Variants in EML4 observed in about 807,000 individuals in gnomAD.
EML4 encodes the protein echinoderm microtubule-associated protein-like 4.
In EML4, 72 loss-of-function variants were observed where a neutral mutation model predicts 129.0. That is an observed-to-expected ratio of 0.56 (90% CI 0.46 to 0.68). EML4 has a LOEUF of 0.68. EML4 is among the 30% of genes least tolerant of loss of function. EML4 has a pLI of 0.00. For missense variants in EML4, 1,363 were observed against 1,190.6 expected (o/e 1.14, Z -2.13); for synonymous variants, 532 against 405.0 (o/e 1.31, Z -3.77).
In EML4 at chr2:42,332,426, A is replaced by C; in HGVS notation, c.*2219A>C. 1 of 203,372 alleles carries C rather than the reference A, an allele frequency of 4.9e-6. No homozygotes were observed. The highest frequency in any genetic ancestry group is 7.5e-5 in the East Asian group (1 of 13,298). 12.6% of individuals were successfully genotyped at this position (203,372 alleles called of 1,614,324 possible). On this transcript the variant is annotated 3_prime_UTR_variant, in exon 23 of 23. Transcript: ENST00000318522. Reference sequence around the variant, plus strand: ...TAGATGTTTTTAGAAAAACTTGTGAATGAAAATGAATCCAAGTGTTTCATG... The same window carrying C: ...TAGATGTTTTTAGAAAAACTTGTGACTGAAAATGAATCCAAGTGTTTCATG...
At chr2:42,235,191 G>T (rs1279077280) in intron 1 of EML4, among the ~76,000 whole-genome samples, 1 of 151,996 alleles carries the variant, frequency 6.6e-6, no homozygotes, top group Non-Finnish European at 1.5e-5. Context: ...AGCTACCCGG[G>T]AGGCTAATGC....
intron 1 of EML4, among the ~76,000 whole-genome samples, chr2:42,199,641 A>G (rs187526220): frequency 6.6e-6 from 1 of 152,308 alleles, no homozygotes; most frequent in African/African-American, 2.4e-5. Context: ...GTTGGTTTCA[A>G]TTAGAGGCAA....
Position 42,330,350 on chromosome 2 carries a change from T to TTG in EML4, c.*144_*145insGT. The TTG allele has an allele frequency of 1.3e-6, 1 of 773,458 alleles. No homozygotes were observed. Among genetic ancestry groups the TTG allele is most frequent in the South Asian group, 1.5e-5 (1 of 68,086 alleles). The allele number at this position is 773,458 out of a possible 1,614,324, so 47.9% of individuals were successfully genotyped here. A position where few individuals can be genotyped will look rare whatever the true frequency, so the allele number is the denominator to read the frequency against. On this transcript the variant is annotated 3_prime_UTR_variant, in exon 23 of 23. Coordinates refer to ENST00000318522, the MANE Select transcript of EML4 (RefSeq NM_019063.5). ...TGATTTGTTTTCTTCAATAGTCTTA[T>TTG]TTTCAGTCTCTCAAATACAGCCAAC...
At chr2:42,327,319 T>G (rs992637328) in intron 21 of EML4, among the ~76,000 whole-genome samples, 5 of 152,186 alleles carry the variant, frequency 3.3e-5, no homozygotes, top group African/African-American at 1.2e-4. Flanking sequence ...CATGTGCAGG[T>G]TTTTGTGTAG....
intron 13 of EML4, among the ~76,000 whole-genome samples, chr2:42,300,667 TTG>T (rs1332089621): frequency 1.3e-5 from 2 of 152,220 alleles, no homozygotes; most frequent in East Asian, 3.8e-4. Flanking sequence ...GGAGTAATCC[TTG>T]GCACAGCAGA....
rs1040607660 is a variant in EML4 at position 42,295,521 on chromosome 2, A to G, written c.1489+5A>G. 6 of 1,608,250 alleles carry G rather than the reference A, an allele frequency of 3.7e-6. No homozygotes were observed. Among genetic ancestry groups the G allele is most frequent in the Non-Finnish European group, 5.1e-6 (6 of 1,178,372 alleles). ...CACCTGGGAAAGGACCTAAAGGTACAGTATTCTTATATTAAACTCATTTCT... is the reference window on the plus strand; with the variant it reads ...CACCTGGGAAAGGACCTAAAGGTACGGTATTCTTATATTAAACTCATTTCT... On this transcript the variant is annotated splice_donor_5th_base_variant and intron_variant, in intron 13 of 22. Transcript: ENST00000318522.
chr2:42,325,246 G>A (rs372358576), intron 19 of EML4: 5 of 599,402 alleles, frequency 8.3e-6, no homozygotes, highest in Non-Finnish European at 1.6e-5. Flanking sequence ...ACAGGTAGTA[G>A]GTGCTAGTTT....
intron 6 of EML4, among the ~76,000 whole-genome samples, chr2:42,277,049 G>A (rs1349537102): frequency 1.3e-5 from 2 of 152,000 alleles, no homozygotes; most frequent in South Asian, 2.1e-4. Flanking sequence ...AAAAAGGAGA[G>A]CATTTTTTTT....
At chr2:42,298,354 G>A (rs904677828) in intron 13 of EML4, among the ~76,000 whole-genome samples, 13 of 152,198 alleles carry the variant, frequency 8.5e-5, no homozygotes, top group African/African-American at 2.7e-4. Context: ...TTGTGATTAA[G>A]TTTGGATGGA....
intron 11 of EML4, chr2:42,289,969 C>T (rs1168625292): frequency 1.3e-5 from 2 of 151,364 alleles, no homozygotes; most frequent in African/African-American, 2.4e-5. Context: ...TGCTTGTAAC[C>T]CCAGCTACCC....
chr2:42,291,476 C>A (rs2109375), intron 11 of EML4, among the ~76,000 whole-genome samples: 43,879 of 149,456 alleles, frequency 0.29, 7,008 homozygotes, highest in African/African-American at 0.42. Flanking sequence ...TCTTGGCTCA[C>A]TGCTGCAGCC....
intron 6 of EML4, among the ~76,000 whole-genome samples, chr2:42,279,816 G>A (rs929350389): frequency 1.3e-5 from 2 of 151,248 alleles, no homozygotes; most frequent in East Asian, 3.9e-4. Flanking sequence ...ATAGCCATCC[G>A]ACAGGTATAA....
chr2:42,304,571 T>C lies in EML4; in HGVS notation c.1967+20T>C. The C allele has an allele frequency of 6.3e-7, 1 of 1,580,826 alleles. No homozygotes were observed. Among genetic ancestry groups the C allele is most frequent in the East Asian group, 2.2e-5 (1 of 44,686 alleles). ...AGGCAGGTAGGGTCTTTAAGTGAAC[T>C]GAGTAATCTGAAGTGGTGGGATGTT... On this transcript the variant is annotated intron_variant, in intron 17 of 22. Transcript: ENST00000318522.
In EML4 at chr2:42,316,028, C is replaced by T. The variant is rs371619922; in HGVS notation, c.2034C>T (p.Leu678=). The part of the protein sequence containing the change: ...VSIHTDGNEQ[L]SVMRYSIDGT... Reference sequence around the variant, plus strand: ...TCCACACAGACGGGAATGAACAGCTCTCTGTGATGCGCTACTCAATAGGTA... The same window carrying T: ...TCCACACAGACGGGAATGAACAGCTTTCTGTGATGCGCTACTCAATAGGTA... Residue 678 remains leucine (L), a synonymous_variant, in exon 18 of 23, where the codon CTC becomes CTT. Coordinates refer to ENST00000318522, the MANE Select transcript of EML4 (RefSeq NM_019063.5). 30 of 1,613,532 alleles carry T rather than the reference C, an allele frequency of 1.9e-5. No homozygotes were observed. Among genetic ancestry groups the T allele is most frequent in the Non-Finnish European group, 2.5e-5 (29 of 1,179,652 alleles).
intron 1 of EML4, among the ~76,000 whole-genome samples, chr2:42,245,013 T>C (rs537330018): frequency 2.2e-4 from 33 of 151,808 alleles, no homozygotes; most frequent in Non-Finnish European, 3.5e-4. Context: ...TAAATTAAGA[T>C]AGCTATAAAA....
chr2:42,226,917 A>G (rs1414495506), intron 1 of EML4, among the ~76,000 whole-genome samples: 1 of 152,062 alleles, frequency 6.6e-6, no homozygotes, highest in Non-Finnish European at 1.5e-5. Context: ...AAATAAAAGA[A>G]CTGCTTACTT....
intron 11 of EML4, chr2:42,289,407 C>A (rs919083370): frequency 6.6e-6 from 1 of 152,206 alleles, no homozygotes; most frequent in Non-Finnish European, 1.5e-5. Context: ...TATGCTGCTC[C>A]CATGGCCTCA....
chr2:42,324,955 A>C (rs1374753080), intron 19 of EML4, among the ~76,000 whole-genome samples: 1 of 152,196 alleles, frequency 6.6e-6, no homozygotes, highest in East Asian at 1.9e-4. Context: ...TTTCCCCAAA[A>C]CATTCTTTAG....
intron 1 of EML4, among the ~76,000 whole-genome samples, chr2:42,199,476 G>A (rs1672090776): frequency 6.6e-6 from 1 of 152,186 alleles, no homozygotes; most frequent in Non-Finnish European, 1.5e-5. Flanking sequence ...AAGGAGGAAG[G>A]TTTTGCAGGA....
Sources: allele counts gnomAD v4.1 joint callset (sites outside exome capture counted in the v4.1 genomes callset), GRCh38; gene constraint gnomAD v4.1.1; transcripts MANE v1.5; gene names NCBI Gene and HGNC (gene_info 2026-07-23, HGNC 2026-07-21).